Variants in ANO1 observed in about 807,000 individuals in gnomAD.
ANO1 encodes the protein anoctamin 1, also known as anoctamin-1.
In ANO1, 59 loss-of-function variants were observed where a neutral mutation model predicts 124.0. The observed-to-expected ratio is 0.48, with a 90% CI of 0.39 to 0.59. The LOEUF (loss-of-function observed/expected upper bound fraction) is 0.59. Ranked by LOEUF, ANO1 falls within the 20% of genes least tolerant of loss-of-function variation. The probability of loss-of-function intolerance (pLI) is 0.00; values close to 1 mark genes in which losing one functional copy is unlikely to be tolerated. For missense variants in ANO1, 1,059 were observed against 1,328.0 expected (o/e 0.80, Z 3.15); for synonymous variants, 529 against 532.0 (o/e 0.99, Z 0.08).
chr11:70,171,624 G>A (rs1282912484), intron 22 of ANO1, among the ~76,000 whole-genome samples: 1 of 152,204 alleles, frequency 6.6e-6, no homozygotes, highest in African/African-American at 2.4e-5. Context: ...CCTTGACCAT[G>A]TGGAGAAGGG....
At chr11:70,028,261 C>A (rs74605928) in intron 1 of ANO1, among the ~76,000 whole-genome samples, 1 of 152,260 alleles carries the variant, frequency 6.6e-6, no homozygotes, top group South Asian at 2.1e-4. Context: ...CAAGGGGGAC[C>A]GCTGGGTTCA....
intron 1 of ANO1, among the ~76,000 whole-genome samples, chr11:70,009,226 G>A (rs1190975572): frequency 2.0e-5 from 3 of 152,198 alleles, no homozygotes; most frequent in Non-Finnish European, 4.4e-5. Flanking sequence ...CACCGAGCAC[G>A]AGCCAAGACT....
rs1208006231 is a variant in ANO1 at position 70,188,238 on chromosome 11, A to G, written c.*234A>G. ...TTTTAATCTGTAGTATTCAAGATGA[A>G]TCAAAATGATGGCTGGTAATACGGC... On this transcript the variant is annotated 3_prime_UTR_variant, in exon 26 of 26. Coordinates refer to ENST00000355303, the MANE Select transcript of ANO1 (RefSeq NM_018043.7). 14 of 577,764 alleles carry G rather than the reference A, an allele frequency of 2.4e-5. No homozygotes were observed. In the South Asian group the frequency reaches 2.5e-4, roughly 10 times the overall value. 35.8% of individuals were successfully genotyped at this position (577,764 alleles called of 1,614,324 possible).
At chr11:70,157,227 TGTG>T (rs1243741408) in intron 16 of ANO1, among the ~76,000 whole-genome samples, 3 of 151,808 alleles carry the variant, frequency 2.0e-5, no homozygotes, top group Non-Finnish European at 4.4e-5. Flanking sequence ...AATTAGCTGG[TGTG>T]GTGGTGCATG....
chr11:70,062,070 T>TC (rs1857596383), intron 1 of ANO1, among the ~76,000 whole-genome samples: 1 of 130,582 alleles, frequency 7.7e-6, no homozygotes, highest in East Asian at 2.2e-4. Context: ...CTTCTTTCTT[T>TC]TTTTTTTTTT....
chr11:70,060,380 A>G (rs965830915), intron 1 of ANO1, among the ~76,000 whole-genome samples: 9 of 152,222 alleles, frequency 5.9e-5, no homozygotes, highest in Admixed American at 5.9e-4. Flanking sequence ...ACTGCCATCG[A>G]TAAACCAAGT....
chr11:70,163,390 A>G, intron 19 of ANO1, 50 bp downstream of exon 19: 1 of 1,596,900 alleles, frequency 6.3e-7, no homozygotes, highest in Non-Finnish European at 8.6e-7. Context: ...CTTGCTTACG[A>G]TTTGTCTACA....
intron 6 of ANO1, 127 bp from the exon 7 acceptor site, chr11:70,111,580 G>A (rs2045781524): frequency 1.0e-5 from 9 of 859,372 alleles, no homozygotes; most frequent in Admixed American, 3.9e-5. Flanking sequence ...CGGGCTCTGC[G>A]TAGTCAGGTT....
chr11:70,105,046 C>T (rs1254475203), intron 4 of ANO1, among the ~76,000 whole-genome samples: 1 of 152,068 alleles, frequency 6.6e-6, no homozygotes, highest in Non-Finnish European at 1.5e-5. Context: ...GGGCTTGGGG[C>T]ATTAGAGGAA....
At chr11:69,979,414 C>T in the ANO1 span, among the ~76,000 whole-genome samples, 1 of 152,202 alleles carries the variant, frequency 6.6e-6, no homozygotes, top group Admixed American at 6.5e-5. Flanking sequence ...CCAAATTCTG[C>T]CGCTTACCAG....
chr11:70,117,664 G>A (rs546430336), intron 8 of ANO1, among the ~76,000 whole-genome samples: 1 of 152,280 alleles, frequency 6.6e-6, no homozygotes, highest in South Asian at 2.1e-4. Context: ...AGTCCTTCCT[G>A]GACCCTGCAT....
At chr11:70,125,686 T>C (rs966925974) in intron 9 of ANO1, among the ~76,000 whole-genome samples, 4 of 139,598 alleles carry the variant, frequency 2.9e-5, no homozygotes, top group African/African-American at 8.0e-5. Flanking sequence ...CTACTAAAAA[T>C]ACAAAAAATT....
chr11:70,040,900 T>A (rs1259367377), intron 1 of ANO1, among the ~76,000 whole-genome samples: 2 of 152,184 alleles, frequency 1.3e-5, no homozygotes, highest in African/African-American at 4.8e-5. Context: ...GTGTAAGTCT[T>A]AAAGAAGCCA....
At chr11:70,137,835 A>C (rs1173856353) in intron 11 of ANO1, among the ~76,000 whole-genome samples, 1 of 147,672 alleles carries the variant, frequency 6.8e-6, no homozygotes, top group Admixed American at 7.1e-5. Flanking sequence ...GGTTGCTGGG[A>C]ACATGGAAGG....
chr11:70,161,732 C>G lies in ANO1; in HGVS notation c.1891C>G (p.Arg631Gly). 6.2e-7 allele frequency: 1 copy of G among 1,613,670 alleles called. No individual in the cohort carries two copies. Among genetic ancestry groups the G allele is most frequent in the Non-Finnish European group, 8.5e-7 (1 of 1,179,572 alleles). ...CTTTTACGTGGCGTTCTTCAAAGGC[C>G]GGTAGGGACATCTTCAGCCTTTCCC... ...PIFYVAFFKG[R>G]FVGRPGDYVY... The change falls in exon 18 of 26, where the codon CGG becomes GGG. Residue 631 changes from arginine (R) to glycine (G), a missense_variant and splice_region_variant. Physicochemically the swap from Arg to Gly is moderately radical, Grantham distance 125. Coordinates refer to ENST00000355303, the MANE Select transcript of ANO1 (RefSeq NM_018043.7).
chr11:70,005,743 G>A (rs1005742275), intron 1 of ANO1, among the ~76,000 whole-genome samples: 1 of 152,160 alleles, frequency 6.6e-6, no homozygotes, highest in Non-Finnish European at 1.5e-5. Flanking sequence ...GGGACTGACC[G>A]AGAAGGGACA....
intron 22 of ANO1, among the ~76,000 whole-genome samples, chr11:70,177,599 T>TTTTTTCTTTTC (rs1565282002): frequency 1.5e-5 from 2 of 134,720 alleles, no homozygotes; most frequent in African/African-American, 2.7e-5. Flanking sequence ...TTTTTCTTTT[T>TTTTTTCTTTTC]TTTTTTTTTT....
At chr11:70,034,264 C>T (rs1174784034) in intron 1 of ANO1, among the ~76,000 whole-genome samples, 2 of 152,098 alleles carry the variant, frequency 1.3e-5, no homozygotes, top group Non-Finnish European at 1.5e-5. Flanking sequence ...CTAGAAAGTG[C>T]CACATGCTGT....
chr11:70,108,738 CG>C (rs1317576330), intron 6 of ANO1, among the ~76,000 whole-genome samples: 15 of 152,274 alleles, frequency 9.9e-5, no homozygotes, highest in Non-Finnish European at 1.9e-4. Context: ...TTGACCCTCA[CG>C]GTCCAGTGGG....
Sources: allele counts gnomAD v4.1 joint callset (sites outside exome capture counted in the v4.1 genomes callset), GRCh38; gene constraint gnomAD v4.1.1; transcripts MANE v1.5; gene names NCBI Gene and HGNC (gene_info 2026-07-23, HGNC 2026-07-21).